The following WDPCP variants were observed in gnomAD, a reference collection of about 807,000 sequenced individuals.
The protein encoded by WDPCP is WD repeat-containing and planar cell polarity effector protein fritz homolog.
In WDPCP, 71 loss-of-function variants were observed where a neutral mutation model predicts 93.1. The observed-to-expected ratio is 0.76, with a 90% CI of 0.63 to 0.93. The LOEUF (loss-of-function observed/expected upper bound fraction) is 0.93, where lower values mean the gene tolerates loss of function less well. WDPCP is among the 40% of genes least tolerant of loss of function. The pLI is 0.00. For synonymous variants in WDPCP, 315 were observed against 315.0 expected, an observed-to-expected ratio of 1.00 and a Z score of 0.00; for missense variants, 844 against 887.4, an observed-to-expected ratio of 0.95 and a Z score of 0.62.
intron 2 of WDPCP, among the ~76,000 whole-genome samples, chr2:63,654,154 T>C (rs1006222946): frequency 6.6e-6 from 1 of 152,076 alleles, no homozygotes; most frequent in Admixed American, 6.6e-5. Flanking sequence ...AATAAATTTT[T>C]AGAGATGAAA....
intron 13 of WDPCP, among the ~76,000 whole-genome samples, chr2:63,278,982 T>C (rs1403113434): frequency 6.6e-6 from 1 of 151,870 alleles, no homozygotes; most frequent in African/African-American, 2.4e-5. Context: ...AGCAGTGAAA[T>C]TGAAATAGTA....
At chr2:63,691,198 T>C (rs925211514) in intron 2 of WDPCP, among the ~76,000 whole-genome samples, 3 of 152,122 alleles carry the variant, frequency 2.0e-5, no homozygotes, top group Non-Finnish European at 2.9e-5. Flanking sequence ...GTTGACTCCA[T>C]AGTTTGAGGG....
rs565754311 is a variant in WDPCP at position 63,710,356 on chromosome 2, A to G, written n.309-59518T>C. On this transcript the variant is annotated intron_variant and non_coding_transcript_variant, in intron 2 of 4. Transcript: ENST00000467687. Reference sequence around the variant, plus strand: ...CACAGTTCTCTCCATACGCTTTGTGAGTTCTGGTAAACATATCTTCTCCTT... The same window carrying G: ...CACAGTTCTCTCCATACGCTTTGTGGGTTCTGGTAAACATATCTTCTCCTT... Among the ~76,000 whole-genome samples the G allele has an allele frequency of 1.3e-3, 195 of 152,326 alleles. 9 individuals carry two copies. In the South Asian group the frequency reaches 0.039, roughly 30 times the overall value.
chr2:63,817,557 C>A (rs767549141), intron 1 of WDPCP, among the ~76,000 whole-genome samples: 12 of 152,186 alleles, frequency 7.9e-5, no homozygotes, highest in Non-Finnish European at 7.3e-5. Flanking sequence ...TTGCCTGCCA[C>A]CAATAAAATT....
At chr2:63,780,380 G>A (rs915433123) in intron 2 of WDPCP, among the ~76,000 whole-genome samples, 1 of 152,152 alleles carries the variant, frequency 6.6e-6, no homozygotes, top group African/African-American at 2.4e-5. Flanking sequence ...TAGTGGAAAG[G>A]GTTCTCGTGC....
chr2:63,295,243 C>CA (rs1684755155), intron 13 of WDPCP, among the ~76,000 whole-genome samples: 1 of 149,310 alleles, frequency 6.7e-6, no homozygotes, highest in Non-Finnish European at 1.5e-5. Context: ...AAATGAGGGA[C>CA]AAAAAAAGCT....
intron 1 of WDPCP, among the ~76,000 whole-genome samples, chr2:63,515,628 T>C (rs1702501400): frequency 6.6e-6 from 1 of 152,240 alleles, no homozygotes; most frequent in African/African-American, 2.4e-5. Flanking sequence ...CTTTTAATGT[T>C]ACCATTTTAT....
intron 13 of WDPCP, among the ~76,000 whole-genome samples, chr2:63,310,818 C>G (rs11125961): frequency 0.18 from 27,526 of 152,024 alleles, 2,634 homozygotes; most frequent in Middle Eastern, 0.24. Context: ...ATGATCACAC[C>G]ACTGCATTCC....
intron 14 of WDPCP, among the ~76,000 whole-genome samples, chr2:63,212,782 A>G (rs62177777): frequency 1.0e-5 from 1 of 97,874 alleles, no homozygotes. Context: ...GATCTACCAC[A>G]AAAATGGAAA....
intron 13 of WDPCP, among the ~76,000 whole-genome samples, chr2:63,283,667 C>T (rs761545122): frequency 9.9e-5 from 15 of 152,172 alleles, no homozygotes; most frequent in African/African-American, 2.9e-4. Flanking sequence ...TACAATAACA[C>T]GCTCAGGACA....
chr2:63,196,332 C>G (rs1048855202), intron 14 of WDPCP, among the ~76,000 whole-genome samples: 1 of 152,174 alleles, frequency 6.6e-6, no homozygotes, highest in African/African-American at 2.4e-5. Flanking sequence ...GAGGACCATT[C>G]TAAAAAAGGA....
At chr2:63,391,235 A>T (rs1470601213) in intron 10 of WDPCP, among the ~76,000 whole-genome samples, 1 of 152,220 alleles carries the variant, frequency 6.6e-6, no homozygotes, top group Non-Finnish European at 1.5e-5. Context: ...GGCTGATTAA[A>T]CATACGCAAA....
chr2:63,274,908 G>A (rs966317125), intron 13 of WDPCP, among the ~76,000 whole-genome samples: 1 of 152,050 alleles, frequency 6.6e-6, no homozygotes, highest in African/African-American at 2.4e-5. Context: ...AACTATTTCA[G>A]AAGACTGAAG....
intron 14 of WDPCP, among the ~76,000 whole-genome samples, chr2:63,215,011 A>T (rs1221505744): frequency 1.3e-5 from 2 of 152,182 alleles, no homozygotes; most frequent in Non-Finnish European, 2.9e-5. Context: ...ATGCTCACGG[A>T]TAGGAAGAAT....
chr2:63,305,223 C>T (rs1559303007), intron 13 of WDPCP, among the ~76,000 whole-genome samples: 1 of 152,118 alleles, frequency 6.6e-6, no homozygotes, highest in African/African-American at 2.4e-5. Context: ...CAGTGGATCT[C>T]CCAGCACAGC....
At chr2:63,569,876 G>A (rs957376524) in intron 1 of WDPCP, among the ~76,000 whole-genome samples, 2 of 152,074 alleles carry the variant, frequency 1.3e-5, no homozygotes, top group Non-Finnish European at 2.9e-5. Flanking sequence ...TACCCCAATG[G>A]GTAGTTTTAA....
chr2:63,346,802 C>T (rs1689225929), intron 12 of WDPCP, among the ~76,000 whole-genome samples: 1 of 152,170 alleles, frequency 6.6e-6, no homozygotes, highest in South Asian at 2.1e-4. Flanking sequence ...TGCCATGTTC[C>T]ACTTGCATTC....
At chr2:63,673,719 A>G (rs1048871166) in intron 2 of WDPCP, among the ~76,000 whole-genome samples, 9 of 152,194 alleles carry the variant, frequency 5.9e-5, no homozygotes, top group African/African-American at 1.2e-4. Context: ...TTTCCATCAT[A>G]TATCTGTACA....
chr2:63,796,704 C>T (rs1337795159), intron 2 of WDPCP, among the ~76,000 whole-genome samples: 1 of 152,204 alleles, frequency 6.6e-6, no homozygotes, highest in Non-Finnish European at 1.5e-5. Flanking sequence ...GGAGAATTAA[C>T]CGAGTTCTTA....
Sources: allele counts gnomAD v4.1 joint callset (sites outside exome capture counted in the v4.1 genomes callset), GRCh38; gene constraint gnomAD v4.1.1; transcripts MANE v1.5; gene names NCBI Gene and HGNC (gene_info 2026-07-23, HGNC 2026-07-21).